The following CNTN5 variants were observed in gnomAD, a reference collection of about 807,000 sequenced individuals.
CNTN5 encodes contactin-5.
A neutral mutation model predicts 129.1 loss-of-function variants in CNTN5; 77 were observed. The observed-to-expected ratio is 0.60, with a 90% CI of 0.50 to 0.72. The LOEUF (loss-of-function observed/expected upper bound fraction) is 0.72, where lower values mean the gene tolerates loss of function less well. CNTN5 is among the 30% of genes least tolerant of loss of function. The pLI is 0.00. For missense variants in CNTN5, 1,478 were observed against 1,328.8 expected (o/e 1.11, Z -1.75); for synonymous variants, 509 against 465.6 (o/e 1.09, Z -1.20).
intron 3 of CNTN5, among the ~76,000 whole-genome samples, chr11:99,759,733 GAGA>G (rs375580099): frequency 9.9e-5 from 15 of 151,610 alleles, no homozygotes; most frequent in African/African-American, 3.6e-4. Flanking sequence ...GAGGGAAAGA[GAGA>G]AGGAGAGGGA....
At chr11:100,039,886 G>T (rs1226860061) in intron 9 of CNTN5, among the ~76,000 whole-genome samples, 1 of 152,020 alleles carries the variant, frequency 6.6e-6, no homozygotes, top group Non-Finnish European at 1.5e-5. Flanking sequence ...TTTTTTCAAA[G>T]CTTTCAACTT....
At chr11:99,862,100 A>G (rs986057115) in intron 6 of CNTN5, among the ~76,000 whole-genome samples, 4 of 151,972 alleles carry the variant, frequency 2.6e-5, no homozygotes, top group Non-Finnish European at 5.9e-5. Flanking sequence ...GGATAAGACT[A>G]AATGAATATT....
intron 17 of CNTN5, among the ~76,000 whole-genome samples, chr11:100,262,424 G>C (rs942661479): frequency 6.6e-6 from 1 of 152,082 alleles, no homozygotes; most frequent in Non-Finnish European, 1.5e-5. Flanking sequence ...ATTTAACCCA[G>C]CAATCCTATT....
At chr11:99,584,080 G>A (rs555046800) in intron 3 of CNTN5, among the ~76,000 whole-genome samples, 1 of 152,256 alleles carries the variant, frequency 6.6e-6, no homozygotes, top group African/African-American at 2.4e-5. Flanking sequence ...GGATCAAAGG[G>A]ATTAAGGAGG....
chr11:99,500,682 T>A (rs545407287), intron 2 of CNTN5, among the ~76,000 whole-genome samples: 47 of 152,276 alleles, frequency 3.1e-4, no homozygotes, highest in African/African-American at 1.1e-3. Context: ...TATATCTTAA[T>A]TTATGTATGT....
At chr11:99,626,901 C>G (rs529820736) in intron 3 of CNTN5, among the ~76,000 whole-genome samples, 1 of 152,184 alleles carries the variant, frequency 6.6e-6, no homozygotes, top group South Asian at 2.1e-4. Flanking sequence ...TATAATTGCA[C>G]AATGATCAAG....
intron 16 of CNTN5, among the ~76,000 whole-genome samples, chr11:100,236,570 AT>A (rs1002785390): frequency 1.6e-4 from 25 of 152,224 alleles, no homozygotes; most frequent in Admixed American, 8.5e-4. Context: ...ATAGAAAACA[AT>A]TTGGGTTTTT....
chr11:99,555,922 A>C (rs1288084642), intron 2 of CNTN5, among the ~76,000 whole-genome samples: 1 of 151,870 alleles, frequency 6.6e-6, no homozygotes, highest in Non-Finnish European at 1.5e-5. Context: ...AATGTAGATA[A>C]ATGTGAAAAG....
chr11:100,045,563 C>T (rs1398523168), intron 9 of CNTN5, among the ~76,000 whole-genome samples: 1 of 152,054 alleles, frequency 6.6e-6, no homozygotes, highest in East Asian at 1.9e-4. Flanking sequence ...TTCAGTGGGA[C>T]TTGTCTAATG....
At chr11:99,332,991 C>G (rs76574786) in intron 2 of CNTN5, among the ~76,000 whole-genome samples, 1 of 151,790 alleles carries the variant, frequency 6.6e-6, no homozygotes, top group Non-Finnish European at 1.5e-5. Flanking sequence ...ATTTAGAAGC[C>G]GCTACCTATA....
chr11:100,110,185 T>TAAA (rs1294435145), intron 13 of CNTN5, among the ~76,000 whole-genome samples: 2 of 118,490 alleles, frequency 1.7e-5, no homozygotes, highest in Non-Finnish European at 3.6e-5. Context: ...AGACCCTATC[T>TAAA]AAAAAAAAAA....
intron 1 of CNTN5, among the ~76,000 whole-genome samples, chr11:99,166,328 G>C (rs1465462431): frequency 6.6e-6 from 1 of 151,118 alleles, no homozygotes; most frequent in Non-Finnish European, 1.5e-5. Flanking sequence ...CTTGAACCAG[G>C]AGGCGGAGGT....
At chr11:99,380,843 G>A (rs1215041513) in intron 2 of CNTN5, among the ~76,000 whole-genome samples, 1 of 151,492 alleles carries the variant, frequency 6.6e-6, no homozygotes, top group Admixed American at 6.6e-5. Flanking sequence ...AATACCACCT[G>A]AGGAGGACCA....
At chr11:99,277,669 C>T (rs1380354030) in intron 1 of CNTN5, among the ~76,000 whole-genome samples, 1 of 151,632 alleles carries the variant, frequency 6.6e-6, no homozygotes, top group Non-Finnish European at 1.5e-5. Flanking sequence ...TTTATAACTC[C>T]TCTAGTCAAA....
intron 3 of CNTN5, among the ~76,000 whole-genome samples, chr11:99,724,339 CGTT>C (rs1433380343): frequency 1.3e-5 from 2 of 152,092 alleles, no homozygotes; most frequent in Non-Finnish European, 2.9e-5. Context: ...TGGAGAGAGA[CGTT>C]GTATCCATGT....
intron 13 of CNTN5, among the ~76,000 whole-genome samples, chr11:100,175,756 A>G (rs1397580747): frequency 1.3e-5 from 2 of 152,090 alleles, no homozygotes; most frequent in African/African-American, 4.8e-5. Flanking sequence ...ATAATACTCA[A>G]CTCACACAGT....
intron 17 of CNTN5, among the ~76,000 whole-genome samples, chr11:100,257,578 G>T (rs778062772): frequency 2.0e-5 from 3 of 152,152 alleles, no homozygotes; most frequent in Admixed American, 2.0e-4. Flanking sequence ...ATGGGACTAA[G>T]CTTCAAGGAG....
chr11:99,453,228 GTAGT>G (rs1255836646), intron 2 of CNTN5, among the ~76,000 whole-genome samples: 1 of 152,130 alleles, frequency 6.6e-6, no homozygotes, highest in African/African-American at 2.4e-5. Context: ...TTTAGACATA[GTAGT>G]TAGAGAGAAG....
At chr11:99,538,971 A>G (rs1947999010) in intron 2 of CNTN5, among the ~76,000 whole-genome samples, 2 of 152,042 alleles carry the variant, frequency 1.3e-5, no homozygotes, top group South Asian at 2.1e-4. Context: ...CTCCTCCTCC[A>G]TGTAATATGT....
Sources: allele counts gnomAD v4.1 joint callset (sites outside exome capture counted in the v4.1 genomes callset), GRCh38; gene constraint gnomAD v4.1.1; transcripts MANE v1.5; gene names NCBI Gene and HGNC (gene_info 2026-07-23, HGNC 2026-07-21).